PPP2R2B: variants seen among roughly 807,000 people sequenced by gnomAD.
PPP2R2B encodes serine/threonine-protein phosphatase 2A 55 kDa regulatory subunit B beta isoform.
Under a neutral mutation model 46.0 loss-of-function variants are expected in PPP2R2B, and 5 were observed. The observed-to-expected ratio is 0.11, with a 90% CI of 0.06 to 0.23. The LOEUF is 0.23. Ranked by LOEUF, PPP2R2B falls within the 10% of genes least tolerant of loss-of-function variation. The pLI is 1.00. For missense variants in PPP2R2B, 367 were observed against 575.0 expected (o/e 0.64, Z 3.70); for synonymous variants, 215 against 206.7 (o/e 1.04, Z -0.34).
At chr5:146,626,388 T>C (rs1217328605) in intron 7 of PPP2R2B, among the ~76,000 whole-genome samples, 1 of 152,096 alleles carries the variant, frequency 6.6e-6, no homozygotes, top group East Asian at 1.9e-4. Context: ...GCACCACAAA[T>C]GGAAAAATGG....
intron 2 of PPP2R2B, among the ~76,000 whole-genome samples, chr5:146,790,579 G>T (rs1295400852): frequency 1.3e-5 from 2 of 152,156 alleles, no homozygotes; most frequent in East Asian, 1.9e-4. Flanking sequence ...ATGAGCATAT[G>T]ATGGGGACTT....
intron 7 of PPP2R2B, among the ~76,000 whole-genome samples, chr5:146,603,495 T>A (rs1189930783): frequency 6.6e-6 from 1 of 152,190 alleles, no homozygotes; most frequent in African/African-American, 2.4e-5. Context: ...AAATGAAAGA[T>A]GACAATTCTT....
At chr5:147,028,295 T>C (rs1755622847) in intron 1 of PPP2R2B, among the ~76,000 whole-genome samples, 1 of 152,178 alleles carries the variant, frequency 6.6e-6, no homozygotes. Flanking sequence ...AGCCCCTGAT[T>C]ACTGCACTAT....
chr5:146,595,579 A>C (rs1005656104), intron 8 of PPP2R2B, among the ~76,000 whole-genome samples: 1 of 152,202 alleles, frequency 6.6e-6, no homozygotes, highest in African/African-American at 2.4e-5. Flanking sequence ...TTTCTCCACC[A>C]TACCTAAGGT....
chr5:146,728,238 A>G (rs1033403501), intron 2 of PPP2R2B, among the ~76,000 whole-genome samples: 1 of 147,850 alleles, frequency 6.8e-6, no homozygotes, highest in African/African-American at 2.5e-5. Context: ...AATGTTACCT[A>G]TGAGATCTCA....
chr5:146,703,272 G>A (rs1779648575), intron 2 of PPP2R2B, among the ~76,000 whole-genome samples: 1 of 152,158 alleles, frequency 6.6e-6, no homozygotes. Flanking sequence ...AGGTACAAAG[G>A]CTGGTCCAGT....
intron 1 of PPP2R2B, among the ~76,000 whole-genome samples, chr5:146,983,469 T>C (rs372629685): frequency 5.6e-4 from 86 of 152,248 alleles, no homozygotes; most frequent in East Asian, 9.7e-4. Flanking sequence ...CGTGAGCCAC[T>C]GCACCCGGCC....
chr5:146,700,162 C>T (rs1337102413), intron 3 of PPP2R2B, among the ~76,000 whole-genome samples: 1 of 152,118 alleles, frequency 6.6e-6, no homozygotes, highest in Non-Finnish European at 1.5e-5. Flanking sequence ...CTTTAAATTG[C>T]TAGGGAAGTC....
rs1770418856 is a variant in PPP2R2B at position 146,589,825 on chromosome 5, T to G, written c.*122A>C. ...AATGTTGGACTCCTTTTAATTCTAT[T>G]CCAATCATTTCCTGTATAGGGAAAT... is the stretch of plus-strand genomic sequence containing the variant. On this transcript the variant is annotated 3_prime_UTR_variant, in exon 10 of 10. Coordinates refer to ENST00000394411, the MANE Select transcript of PPP2R2B (RefSeq NM_181675.4). 1.9e-6 allele frequency: 2 copies of G among 1,063,912 alleles called. No individual in the cohort carries two copies. Among genetic ancestry groups the G allele is most frequent in the African/African-American group, 1.6e-5 (1 of 63,198 alleles). 65.9% of individuals were successfully genotyped at this position (1,063,912 alleles called of 1,614,324 possible). A position where few individuals can be genotyped will look rare whatever the true frequency, so the allele number is the denominator to read the frequency against.
At chr5:146,711,844 G>T (rs1780227584) in intron 2 of PPP2R2B, among the ~76,000 whole-genome samples, 1 of 152,174 alleles carries the variant, frequency 6.6e-6, no homozygotes, top group African/African-American at 2.4e-5. Flanking sequence ...GTTGTTCAAA[G>T]ATTCTGATCA....
intron 2 of PPP2R2B, among the ~76,000 whole-genome samples, chr5:146,859,748 A>T (rs1396664435): frequency 1.3e-5 from 2 of 152,198 alleles, no homozygotes; most frequent in Non-Finnish European, 2.9e-5. Flanking sequence ...GTAAATGAAC[A>T]GGACATAAAT....
intron 2 of PPP2R2B, among the ~76,000 whole-genome samples, chr5:146,826,517 C>A (rs1224273847): frequency 1.3e-5 from 2 of 152,096 alleles, no homozygotes; most frequent in Admixed American, 6.6e-5. Context: ...ATGTAACAAA[C>A]CAGAGGTTGC....
chr5:147,069,792 T>TTTTTTGTTTG (rs1757528596), intron 2 of PPP2R2B, among the ~76,000 whole-genome samples: 1 of 123,024 alleles, frequency 8.1e-6, no homozygotes, highest in African/African-American at 3.4e-5. Context: ...ACTGTTTTTT[T>TTTTTTGTTTG]TTTTTTTTTT....
intron 1 of PPP2R2B, among the ~76,000 whole-genome samples, chr5:147,001,488 G>A (rs1223584531): frequency 6.6e-6 from 1 of 152,056 alleles, no homozygotes; most frequent in African/African-American, 2.4e-5. Flanking sequence ...CCACCAGAAG[G>A]AAGAAACTCT....
chr5:146,953,501 A>G (rs1299622621), intron 1 of PPP2R2B, among the ~76,000 whole-genome samples: 14 of 152,176 alleles, frequency 9.2e-5, no homozygotes, highest in Admixed American at 9.2e-4. Context: ...TTAGGGGAGG[A>G]AAGGCAAAAA....
At chr5:147,032,915 T>C (rs955894151) in intron 1 of PPP2R2B, among the ~76,000 whole-genome samples, 2 of 152,162 alleles carry the variant, frequency 1.3e-5, no homozygotes, top group African/African-American at 2.4e-5. Flanking sequence ...CTACTTTTAG[T>C]TCTTTAAAGA....
Position 146,582,070 on chromosome 5 carries a change from A to G in PPP2R2B, c.*7877T>C, listed in dbSNP as rs542822966. On this transcript the variant is annotated 3_prime_UTR_variant, in exon 10 of 10. Coordinates refer to ENST00000394411, the MANE Select transcript of PPP2R2B (RefSeq NM_181675.4). ...AGCTGCCCACAGAGCTTCCCCTGCAATATTGTGGACACCCAGGCAAATGAA... is the reference window on the plus strand; with the variant it reads ...AGCTGCCCACAGAGCTTCCCCTGCAGTATTGTGGACACCCAGGCAAATGAA... 5 of 152,230 alleles carry G rather than the reference A, an allele frequency of 3.3e-5. No homozygotes were observed. The highest frequency in any genetic ancestry group is 7.3e-5 in the Non-Finnish European group (5 of 68,086). 9.4% of individuals were successfully genotyped at this position (152,230 alleles called of 1,614,324 possible).
intron 1 of PPP2R2B, among the ~76,000 whole-genome samples, chr5:146,961,493 A>T (rs573263413): frequency 6.6e-6 from 1 of 152,316 alleles, no homozygotes; most frequent in South Asian, 2.1e-4. Flanking sequence ...TGCCTACCTG[A>T]TAGGTAAAAA....
At chr5:146,885,554 A>G (rs1183793335) in intron 1 of PPP2R2B, among the ~76,000 whole-genome samples, 1 of 152,218 alleles carries the variant, frequency 6.6e-6, no homozygotes, top group Non-Finnish European at 1.5e-5. Flanking sequence ...AGCCACAAAT[A>G]GTTTGCCAGT....
Sources: allele counts gnomAD v4.1 joint callset (sites outside exome capture counted in the v4.1 genomes callset), GRCh38; gene constraint gnomAD v4.1.1; transcripts MANE v1.5; gene names NCBI Gene and HGNC (gene_info 2026-07-23, HGNC 2026-07-21).